AHCYL2: variants seen among roughly 807,000 people sequenced by gnomAD.
The protein encoded by AHCYL2 is adenosylhomocysteinase like 2, also known as S-adenosylhomocysteine hydrolase-like protein 2.
AHCYL2 carries 28 observed loss-of-function variants against 81.4 expected under a neutral mutation model. That is an observed-to-expected ratio of 0.34 (90% CI 0.25 to 0.47). The LOEUF (loss-of-function observed/expected upper bound fraction) is 0.47. Among genes scored for constraint, AHCYL2 ranks in the 20% least tolerant of loss-of-function variants. The pLI is 1.00. For missense variants in AHCYL2, 551 were observed against 785.1 expected (o/e 0.70, Z 3.56); for synonymous variants, 272 against 290.2 (o/e 0.94, Z 0.64).
chr7:129,389,540 A>G, intron 3 of AHCYL2, 94 bp from the exon 4 acceptor site: 3 of 999,876 alleles, frequency 3.0e-6, no homozygotes, highest in Non-Finnish European at 4.4e-6. Flanking sequence ...GATCAGGGGA[A>G]GGATCTTAAC....
chr7:129,430,027 A>C lies in AHCYL2; in HGVS notation c.*2982A>C, dbSNP rs969266001. On this transcript the variant is annotated 3_prime_UTR_variant, in exon 17 of 17. Coordinates refer to ENST00000325006, the MANE Select transcript of AHCYL2 (RefSeq NM_015328.4). Reference sequence around the variant, plus strand: ...TTCTAAACTCTATATATACATATATATATATATATCTATATATCTATATAC... The same window carrying C: ...TTCTAAACTCTATATATACATATATCTATATATATCTATATATCTATATAC... The C allele has an allele frequency of 1.3e-5, 2 of 150,698 alleles. No homozygotes were observed. Among genetic ancestry groups the C allele is most frequent in the African/African-American group, 4.9e-5 (2 of 41,112 alleles). 9.3% of individuals were successfully genotyped at this position (150,698 alleles called of 1,614,324 possible). A position where few individuals can be genotyped will look rare whatever the true frequency, so the allele number is the denominator to read the frequency against.
intron 1 of AHCYL2, among the ~76,000 whole-genome samples, chr7:129,294,374 ACT>A (rs1423572633): frequency 3.9e-5 from 6 of 152,236 alleles, no homozygotes; most frequent in African/African-American, 1.4e-4. Context: ...GAAGGGTTAG[ACT>A]CTCTAGAGGC....
intron 8 of AHCYL2, 40 bp from the exon 9 acceptor site, chr7:129,405,796 A>G: frequency 1.9e-6 from 3 of 1,577,720 alleles, no homozygotes; most frequent in South Asian, 1.2e-5. Context: ...GGGAGAAACA[A>G]GAGAAGATTT....
intron 1 of AHCYL2, among the ~76,000 whole-genome samples, chr7:129,266,400 G>T (rs1207335710): frequency 6.6e-6 from 1 of 152,124 alleles, no homozygotes; most frequent in Non-Finnish European, 1.5e-5. Flanking sequence ...GGTGGCTCAC[G>T]CCTGTAATCC....
intron 1 of AHCYL2, among the ~76,000 whole-genome samples, chr7:129,241,310 G>T (rs944266880): frequency 2.6e-5 from 4 of 152,202 alleles, no homozygotes; most frequent in African/African-American, 4.8e-5. Flanking sequence ...TTTCAAACAG[G>T]CTAGGCATGG....
At position 129,309,395 on chromosome 7, in the gene AHCYL2, T is replaced by C. The variant is rs117582892; in HGVS notation, c.364-70243T>C. Among the ~76,000 whole-genome samples, 340 of 151,974 alleles carry C rather than the reference T, an allele frequency of 2.2e-3. 14 individuals are homozygous for C. The East Asian group carries it at 0.062, about 28-fold the overall frequency. On this transcript the variant is annotated intron_variant, in intron 1 of 16. Coordinates refer to ENST00000325006, the MANE Select transcript of AHCYL2 (RefSeq NM_015328.4). Reference sequence around the variant, plus strand: ...CTCTACAAAAAGTTTAAAAATTAGCTGGGTGTGGTAGGTACATGCCTGTAG... The same window carrying C: ...CTCTACAAAAAGTTTAAAAATTAGCCGGGTGTGGTAGGTACATGCCTGTAG...
At chr7:129,292,337 T>C (rs539661653) in intron 1 of AHCYL2, among the ~76,000 whole-genome samples, 6 of 152,314 alleles carry the variant, frequency 3.9e-5, no homozygotes, top group African/African-American at 1.4e-4. Flanking sequence ...AGCACTATAA[T>C]AATCAGCAGT....
At position 129,426,582 on chromosome 7, in the gene AHCYL2, A is replaced by G; in HGVS notation, c.1829+19A>G. 6.2e-7 allele frequency: 1 copy of G among 1,610,976 alleles called. No homozygotes were observed. Among genetic ancestry groups the G allele is most frequent in the Non-Finnish European group, 8.5e-7 (1 of 1,178,506 alleles). ...ACTACAGGTGCCTTGGGCTCCCCAG[A>G]AATCAGGGACACCTGGGCAGTGATG... On this transcript the variant is annotated intron_variant, in intron 16 of 16. Coordinates refer to ENST00000325006, the MANE Select transcript of AHCYL2 (RefSeq NM_015328.4). This position sits in a 1 kb window ranked among gnomAD's most constrained non-coding sequence, Gnocchi z 4.3.
At chr7:129,292,527 G>A (rs537970676) in intron 1 of AHCYL2, among the ~76,000 whole-genome samples, 1 of 152,304 alleles carries the variant, frequency 6.6e-6, no homozygotes, top group Admixed American at 6.5e-5. Context: ...AGCACTTTGG[G>A]AGTCTGAGAC....
chr7:129,395,558 T>C (rs1563231862), intron 4 of AHCYL2, among the ~76,000 whole-genome samples: 1 of 152,136 alleles, frequency 6.6e-6, no homozygotes, highest in African/African-American at 2.4e-5. Flanking sequence ...CCTGTGCCTC[T>C]CCCAGAGGCA....
At chr7:129,401,772 G>A (rs148763950) in intron 6 of AHCYL2, among the ~76,000 whole-genome samples, 204 of 152,324 alleles carry the variant, frequency 1.3e-3, no homozygotes, top group African/African-American at 4.8e-3. Context: ...GGAACCCAGG[G>A]AGGACATTAG....
Position 129,340,287 on chromosome 7 carries a change from G to A in AHCYL2, c.364-39351G>A, listed in dbSNP as rs184242140. Among the ~76,000 whole-genome samples the A allele has an allele frequency of 5.4e-5, 8 of 149,160 alleles. No individual in the cohort carries two copies. The East Asian group carries it at 1.6e-3, about 30-fold the overall frequency. ...CAGTTTAAAAAAAATAGTTTTTCAG[G>A]CCGGGCGCGGTGGCTCACGCCTGTA... is the stretch of plus-strand genomic sequence containing the variant. On this transcript the variant is annotated intron_variant, in intron 1 of 16. Transcript: ENST00000325006.
intron 1 of AHCYL2, among the ~76,000 whole-genome samples, chr7:129,277,310 G>GTTTTTTT (rs1796255766): frequency 7.8e-6 from 1 of 128,960 alleles, no homozygotes; most frequent in Non-Finnish European, 1.6e-5. Flanking sequence ...ATAGAGTCTT[G>GTTTTTTT]CTCTGTCGCC....
intron 1 of AHCYL2, among the ~76,000 whole-genome samples, chr7:129,362,348 A>T (rs1793958871): frequency 6.6e-6 from 1 of 152,140 alleles, no homozygotes; most frequent in African/African-American, 2.4e-5. Context: ...ATTTTAGATT[A>T]CTGAGGAACT....
At chr7:129,423,206 C>T (rs1352706844) in intron 13 of AHCYL2, among the ~76,000 whole-genome samples, 1 of 152,178 alleles carries the variant, frequency 6.6e-6, no homozygotes, top group African/African-American at 2.4e-5. Flanking sequence ...AGAAGGAATT[C>T]ACAGATAGAA....
chr7:129,420,155 C>T (rs2303304), intron 12 of AHCYL2, among the ~76,000 whole-genome samples: 85,072 of 151,958 alleles, frequency 0.56, 23,904 homozygotes, highest in Non-Finnish European at 0.57. Context: ...CTACTAAGCA[C>T]TGGTTATTTT....
chr7:129,369,638 C>T (rs1231089775), intron 1 of AHCYL2, among the ~76,000 whole-genome samples: 4 of 151,132 alleles, frequency 2.6e-5, no homozygotes, highest in African/African-American at 7.3e-5. Flanking sequence ...CTGCAACCTC[C>T]GCTTCCTGGG....
At chr7:129,372,985 GA>G (rs1794485933) in intron 1 of AHCYL2, among the ~76,000 whole-genome samples, 1 of 152,182 alleles carries the variant, frequency 6.6e-6, no homozygotes, top group African/African-American at 2.4e-5. Flanking sequence ...CACGCTTGGA[GA>G]AAGTGTTAGA....
intron 1 of AHCYL2, among the ~76,000 whole-genome samples, chr7:129,374,142 G>T (rs1794555034): frequency 6.6e-6 from 1 of 152,086 alleles, no homozygotes; most frequent in South Asian, 2.1e-4. Flanking sequence ...TAAATTTAAA[G>T]ATAAAAGGAA....
Sources: gnomAD v4.1 joint callset for allele counts (sites outside exome capture counted in the v4.1 genomes callset) on GRCh38, gnomAD v4.1.1 for gene constraint, Gnocchi (gnomAD v3.1) non-coding constraint, MANE v1.5 for transcripts, NCBI Gene and HGNC (gene_info 2026-07-23, HGNC 2026-07-21) for gene names.